Variants in ACOT11 observed in about 807,000 individuals in gnomAD.
The protein encoded by ACOT11 is acyl-CoA thioesterase 11.
Under a neutral mutation model 77.5 loss-of-function variants are expected in ACOT11, and 69 were observed. The ratio of observed to expected loss-of-function variants is 0.89; its 90% CI spans 0.73 to 1.09. The LOEUF is 1.09. Among genes scored for constraint, ACOT11 ranks in the 50% least tolerant of loss-of-function variants. ACOT11 has a pLI of 0.00. For missense variants in ACOT11, 766 were observed against 813.7 expected (o/e 0.94, Z 0.71); for synonymous variants, 279 against 313.0 (o/e 0.89, Z 1.15).
chr1:54,570,208 G>A (rs755928214), intron 1 of ACOT11, among the ~76,000 whole-genome samples: 4 of 152,206 alleles, frequency 2.6e-5, no homozygotes, highest in Non-Finnish European at 4.4e-5. Flanking sequence ...TGTGGAGTCT[G>A]GTTAGACCAT....
chr1:54,592,161 C>A (rs781759480), intron 3 of ACOT11, among the ~76,000 whole-genome samples: 1 of 152,156 alleles, frequency 6.6e-6, no homozygotes, highest in Non-Finnish European at 1.5e-5. Flanking sequence ...CAGGAGAGTG[C>A]CGCAGGGTGA....
chr1:54,619,452 A>G (rs61770425), intron 15 of ACOT11, among the ~76,000 whole-genome samples: 32,822 of 152,068 alleles, frequency 0.22, 3,554 homozygotes, highest in Non-Finnish European at 0.23. Flanking sequence ...CATGAAACAG[A>G]TTGCATGGTA....
Position 54,627,919 on chromosome 1 carries a change from G to A in ACOT11, c.1630-2815G>A, listed in dbSNP as rs1200880052. ...AGTGGTGTGGCTGGAGCAGCAGGTG[G>A]GAAATGTGGGGAGGCGGAGGGGGAG... On this transcript the variant is annotated intron_variant, in intron 15 of 16. Coordinates refer to the ACOT11 transcript ENST00000371316. 1.5e-4 allele frequency among the ~76,000 whole-genome samples: 20 copies of A among 133,204 alleles called. 4 individuals are homozygous for A. The Admixed American group carries it at 1.5e-3, about 10-fold the overall frequency. 87.4% of individuals were successfully genotyped at this position (133,204 alleles called of 152,430 possible).
Position 54,593,631 on chromosome 1 carries a change from G to A in ACOT11, c.373-310G>A, listed in dbSNP as rs570696417. ...TTAGCCAACATTCTGCCTGTATGAA[G>A]CCCTGTTGTAGACATAGTCTCATTT... On this transcript the variant is annotated intron_variant, in intron 4 of 15. Coordinates refer to ENST00000343744, the MANE Select transcript of ACOT11 (RefSeq NM_147161.4). 1.6e-4 allele frequency among the ~76,000 whole-genome samples: 24 copies of A among 152,158 alleles called. No homozygotes were observed. The East Asian group carries it at 4.5e-3, about 28-fold the overall frequency.
chr1:54,548,263 A>G lies in ACOT11; in HGVS notation c.-47A>G. On this transcript the variant is annotated 5_prime_UTR_variant, in exon 1 of 16. Transcript: ENST00000343744. Reference sequence around the variant, plus strand: ...AGGCCTGGCTGTTGCTCAGGTGACCAGCTTGTGTCTCTGGGAGGGCGCTGC... The same window carrying G: ...AGGCCTGGCTGTTGCTCAGGTGACCGGCTTGTGTCTCTGGGAGGGCGCTGC... The G allele has an allele frequency of 6.3e-7, 1 of 1,575,250 alleles. No individual in the cohort carries two copies. Among genetic ancestry groups the G allele is most frequent in the Non-Finnish European group, 8.6e-7 (1 of 1,160,640 alleles).
At chr1:54,611,873 C>T, downstream of ACOT11, 1 of 1,082,486 alleles carries the variant, frequency 9.2e-7, no homozygotes, top group Non-Finnish European at 1.3e-6. Flanking sequence ...GCCCACCTGC[C>T]ACTTCTCCCT....
rs767625864 is a variant in ACOT11, at chr1:54,620,845, C to CAAA, written c.1630-9859_1630-9857dup. The stretch of plus-strand genomic sequence containing the variant: ...CCTGGATGACACAAAGAGACTCTGT[C>CAAA]AAAAAAAAAAAAAAAAAAAAAAAAA... On this transcript the variant is annotated intron_variant, in intron 15 of 16. Transcript: ENST00000371316. Among the ~76,000 whole-genome samples, 108 of 12,100 alleles carry CAAA rather than the reference C, an allele frequency of 8.9e-3. 20 individuals are homozygous for CAAA. Among genetic ancestry groups the CAAA allele is most frequent in the African/African-American group, 0.026 (82 of 3,184 alleles). The allele number at this position is 12,100 out of a possible 152,430, so 7.9% of individuals were successfully genotyped here.
At chr1:54,595,989 G>C (rs188372620) in intron 6 of ACOT11, among the ~76,000 whole-genome samples, 61 of 152,286 alleles carry the variant, frequency 4.0e-4, no homozygotes, top group Non-Finnish European at 5.3e-4. Flanking sequence ...CGGAGCTGGG[G>C]AGGCCCAGCT....
Position 54,603,931 on chromosome 1 carries a change from C to A in ACOT11, c.1146C>A (p.Ser382Arg). The A allele has an allele frequency of 1.2e-6, 2 of 1,614,000 alleles. No homozygotes were observed. Among genetic ancestry groups the A allele is most frequent in the Non-Finnish European group, 1.7e-6 (2 of 1,179,888 alleles). Residue 382 changes from serine (S) to arginine (R), a missense_variant, in exon 11 of 16, where the codon AGC becomes AGA. By Grantham distance (110) the Ser-to-Arg change is moderately radical (BLOSUM62 -1). Transcript: ENST00000343744. The stretch of plus-strand genomic sequence containing the variant: ...CCCTCTCCGTCCCCTGGGACCCTAG[C>A]AACCAGGTAAGGCTCTCTGCTCCGA... ...EVPLSVPWDP[S>R]NQVYLSYNNV...
intron 1 of ACOT11, among the ~76,000 whole-genome samples, chr1:54,562,553 C>CCG (rs1193805933): frequency 2.1e-5 from 3 of 142,044 alleles, no homozygotes; most frequent in Admixed American, 1.3e-4. Context: ...TGACCCACCC[C>CCG]CCACCTCCCT....
At chr1:54,610,776 A>T, downstream of ACOT11, 1 of 984,510 alleles carries the variant, frequency 1.0e-6, no homozygotes, top group South Asian at 4.7e-5. Flanking sequence ...ACCTGATGGG[A>T]CCAGGTCTGC....
At chr1:54,636,560 A>G (rs1644331585) in exon 17 of ACOT11, 1 of 152,224 alleles carries the variant, frequency 6.6e-6, no homozygotes, top group African/African-American at 2.4e-5. Flanking sequence ...ACACCCAGAC[A>G]TTCCATTGCC....
chr1:54,583,459 C>T (rs965676344), intron 1 of ACOT11, among the ~76,000 whole-genome samples: 3 of 152,168 alleles, frequency 2.0e-5, no homozygotes, highest in Admixed American at 2.0e-4. Context: ...ATCCTGCAGC[C>T]GTGGCAGGCT....
downstream of ACOT11, among the ~76,000 whole-genome samples, chr1:54,614,381 TC>T (rs1644149408): frequency 6.6e-6 from 1 of 151,778 alleles, no homozygotes; most frequent in African/African-American, 2.4e-5. Flanking sequence ...GGGTGACAAA[TC>T]TATGAACACC....
At chr1:54,601,136 C>CAT (rs1643957398) in intron 8 of ACOT11, 133 bp from the exon 9 acceptor site, 3 of 850,320 alleles carry the variant, frequency 3.5e-6, no homozygotes, top group Admixed American at 3.3e-5. Flanking sequence ...TATGTGTGTG[C>CAT]ATACGTGTGT....
chr1:54,634,673 C>T lies in ACOT11; in HGVS notation c.1783-15C>T, dbSNP rs111233642. 4.8e-4 allele frequency: 340 copies of T among 701,432 alleles called. 2 individuals are homozygous for T. In the African/African-American group the frequency reaches 5.1e-3, roughly 11 times the overall value. 43.5% of individuals were successfully genotyped at this position (701,432 alleles called of 1,614,324 possible). A position where few individuals can be genotyped will look rare whatever the true frequency, so the allele number is the denominator to read the frequency against. ...ATAATAATTTGGGGTAGAGGTTATG[C>T]TTGCGTTTCTCCAGGCCAAAATCAA... On this transcript the variant is annotated splice_polypyrimidine_tract_variant and intron_variant, in intron 16 of 16. Coordinates refer to the ACOT11 transcript ENST00000371316.
chr1:54,630,856 A>T, exon 16 of ACOT11: 1 of 760,982 alleles, frequency 1.3e-6, no homozygotes, highest in Admixed American at 1.8e-5. Flanking sequence ...TAGCTGGAGG[A>T]CACCTGAGTA....
chr1:54,551,511 T>C (rs554356636), intron 1 of ACOT11, among the ~76,000 whole-genome samples: 2 of 152,230 alleles, frequency 1.3e-5, no homozygotes, highest in South Asian at 4.1e-4. Context: ...CTTTCCAAGA[T>C]GTCAGTCTAC....
intron 6 of ACOT11, among the ~76,000 whole-genome samples, chr1:54,595,115 G>A (rs1172232580): frequency 1.3e-5 from 2 of 152,188 alleles, no homozygotes; most frequent in African/African-American, 4.8e-5. Context: ...GGGAGGCCGA[G>A]GCGGGTGGAT....
Sources: allele counts gnomAD v4.1 joint callset (sites outside exome capture counted in the v4.1 genomes callset), GRCh38; gene constraint gnomAD v4.1.1; transcripts MANE v1.5; gene names NCBI Gene and HGNC (gene_info 2026-07-23, HGNC 2026-07-21).